The following SP9 variants were observed in gnomAD, a reference collection of about 807,000 sequenced individuals.
The protein encoded by SP9 is Sp9 transcription factor.
In SP9, 5 loss-of-function variants were observed where a neutral mutation model predicts 23.0. The observed-to-expected ratio is 0.22, with a 90% confidence interval of 0.11 to 0.46. The LOEUF is 0.46. SP9 is among the 20% of genes least tolerant of loss of function. The pLI is 0.99. For missense variants in SP9, 542 were observed against 724.0 expected (o/e 0.75, Z 2.88); for synonymous variants, 360 against 356.5 (o/e 1.01, Z -0.11).
chr2:174,336,359 G>C lies in SP9; in HGVS notation c.274G>C (p.Ala92Pro). 1 of 1,497,930 alleles carries C rather than the reference G, an allele frequency of 6.7e-7. No individual in the cohort carries two copies. The highest frequency in any genetic ancestry group is 8.8e-7 in the Non-Finnish European group (1 of 1,131,598). The allele number at this position is 1,497,930 out of a possible 1,614,324, so 92.8% of individuals were successfully genotyped here. ...CGCCGCCAACAGCGCCTTCTGCCTG[G>C]CCTCCACGTCGCCCACGTCGTCCGC... Reference protein sequence around the residue: ...SGAANSAFCLASTSPTSSAFS... With the variant: ...SGAANSAFCLPSTSPTSSAFS... Residue 92 changes from alanine (A) to proline (P), a missense_variant, in exon 2 of 2, where the codon GCC (alanine) becomes CCC (proline). Transcript: ENST00000394967.
At position 174,337,465 on chromosome 2, in the gene SP9, GGCGGCA is replaced by G. The variant is rs1222735319; in HGVS notation, c.1386_1391del (p.Ala469_Ala470del). On this transcript the variant is annotated inframe_deletion, in exon 2 of 2. Transcript: ENST00000394967. ...CCGCCCGGGCGGCGGCAGCGGCGGC[GGCGGCA>G]GCGGCGGCGGCGGCGGCGGCGGCCT... The G allele has an allele frequency of 2.1e-5, 25 of 1,214,326 alleles. No individual in the cohort carries two copies. The highest frequency in any genetic ancestry group is 2.4e-4 in the Middle Eastern group (1 of 4,240). The allele number at this position is 1,214,326 out of a possible 1,614,324, so 75.2% of individuals were successfully genotyped here.
chr2:174,337,577 A>C lies in SP9; in HGVS notation c.*37A>C. On this transcript the variant is annotated 3_prime_UTR_variant, in exon 2 of 2. Transcript: ENST00000394967. Reference sequence around the variant, plus strand: ...GAGGCGCGAGCACACAAGCGAGTAGAGACACCGAGAACGAACGAGAGGTTC... The same window carrying C: ...GAGGCGCGAGCACACAAGCGAGTAGCGACACCGAGAACGAACGAGAGGTTC... 4 of 1,139,000 alleles carry C rather than the reference A, an allele frequency of 3.5e-6. No individual in the cohort carries two copies. The highest frequency in any genetic ancestry group is 4.3e-6 in the Non-Finnish European group (4 of 928,910). The allele number at this position is 1,139,000 out of a possible 1,614,324, so 70.6% of individuals were successfully genotyped here. A position where few individuals can be genotyped will look rare whatever the true frequency, so the allele number is the denominator to read the frequency against.
At position 174,336,321 on chromosome 2, in the gene SP9, C is replaced by T. The variant is rs1226769252; in HGVS notation, c.236C>T (p.Ala79Val). Residue 79 changes from alanine to valine, a missense_variant, in exon 2 of 2, where the codon GCG becomes GTG. Physicochemically the swap from Ala to Val is moderately conservative, Grantham distance 64. Coordinates refer to ENST00000394967, the MANE Select transcript of SP9 (RefSeq NM_001145250.2). ...ATGGRGSGGL[A>V]GGSGAANSAF... ...GGGGGCCGTGGCTCGGGCGGCCTGGCGGGCGGCTCGGGCGCCGCCAACAGC... is the reference window on the plus strand; with the variant it reads ...GGGGGCCGTGGCTCGGGCGGCCTGGTGGGCGGCTCGGGCGCCGCCAACAGC... The T allele has an allele frequency of 1.1e-5, 17 of 1,495,386 alleles. No individual in the cohort carries two copies. The East Asian group carries it at 4.0e-4, about 35-fold the overall frequency. The allele number at this position is 1,495,386 out of a possible 1,614,324, so 92.6% of individuals were successfully genotyped here.
In SP9 at chr2:174,337,367, A is replaced by T; in HGVS notation, c.1282A>T (p.Thr428Ser). 1.3e-6 allele frequency: 2 copies of T among 1,549,928 alleles called. No individual in the cohort carries two copies. The highest frequency in any genetic ancestry group is 1.7e-4 in the Middle Eastern group (1 of 5,988). The change falls in exon 2 of 2, where the codon ACG becomes TCG. Residue 428 changes from threonine (T) to serine (S), a missense_variant. By Grantham distance (58) the Thr-to-Ser change is moderately conservative (BLOSUM62 1). Transcript: ENST00000394967. The stretch of plus-strand genomic sequence containing the variant: ...GGGCAAAAAGGGCAGCGACAGTGAC[A>T]CGGACGCCAGCAACCTGGAGACGCC... Reference protein sequence around the residue: ...GGGKKGSDSDTDASNLETPRS... With the variant: ...GGGKKGSDSDSDASNLETPRS...
At position 174,336,456 on chromosome 2, in the gene SP9, C is replaced by G. The variant is rs1684414643; in HGVS notation, c.371C>G (p.Pro124Arg). The G allele has an allele frequency of 2.0e-6, 3 of 1,479,172 alleles. No homozygotes were observed. Among genetic ancestry groups the G allele is most frequent in the Non-Finnish European group, 2.7e-6 (3 of 1,121,620 alleles). 91.6% of individuals were successfully genotyped at this position (1,479,172 alleles called of 1,614,324 possible). ...AAAAAAAGVS[P>R]QEAGGQSAFI... ...GCGGCGGCAGCGGCCGGGGTGTCCC[C>G]GCAGGAGGCGGGTGGCCAGTCGGCC... The change falls in exon 2 of 2, where the codon CCG becomes CGG. Residue 124 changes from proline (P) to arginine (R), a missense_variant. By Grantham distance (103) the Pro-to-Arg change is moderately radical. Transcript: ENST00000394967.
intron 1 of SP9, chr2:174,335,893 G>C (rs1245184405): frequency 1.9e-6 from 1 of 538,872 alleles, no homozygotes; most frequent in Non-Finnish European, 3.3e-6. Context: ...GCAACTTTCC[G>C]GCGCCTGGAC....
rs920195229 is a variant in SP9 at position 174,335,059 on chromosome 2, G to A, written c.-34G>A. On this transcript the variant is annotated 5_prime_UTR_variant, in exon 1 of 2. Transcript: ENST00000394967. ...CCGAGCAGCCGCCAGGCTCAGCCCC[G>A]CTCCCAGCCTCGCTGCGCAGCCAGA... 2 of 1,550,498 alleles carry A rather than the reference G, an allele frequency of 1.3e-6. No homozygotes were observed. The highest frequency in any genetic ancestry group is 3.4e-4 in the Middle Eastern group (2 of 5,906).
At position 174,336,310 on chromosome 2, in the gene SP9, G is replaced by A. The variant is rs993989241; in HGVS notation, c.225G>A (p.Ser75=). The change falls in exon 2 of 2, where the codon TCG becomes TCA. Residue 75 remains serine (S), a synonymous_variant. Transcript: ENST00000394967. ...CGGTGGCCACCGGGGGCCGTGGCTCGGGCGGCCTGGCGGGCGGCTCGGGCG... is the reference window on the plus strand; with the variant it reads ...CGGTGGCCACCGGGGGCCGTGGCTCAGGCGGCCTGGCGGGCGGCTCGGGCG... ...GFAVATGGRG[S]GGLAGGSGAA... The A allele has an allele frequency of 4.0e-6, 6 of 1,504,340 alleles. No homozygotes were observed. In the Admixed American group the frequency reaches 1.1e-4, roughly 28 times the overall value. The allele number at this position is 1,504,340 out of a possible 1,614,324, so 93.2% of individuals were successfully genotyped here.
At position 174,334,964 on chromosome 2, in the gene SP9, G is replaced by A; in HGVS notation, c.-129G>A. 2 of 1,094,526 alleles carry A rather than the reference G, an allele frequency of 1.8e-6. No individual in the cohort carries two copies. The highest frequency in any genetic ancestry group is 2.3e-5 in the Admixed American group (1 of 43,632). The allele number at this position is 1,094,526 out of a possible 1,614,324, so 67.8% of individuals were successfully genotyped here. A position where few individuals can be genotyped will look rare whatever the true frequency, so the allele number is the denominator to read the frequency against. On this transcript the variant is annotated 5_prime_UTR_variant, in exon 1 of 2. Transcript: ENST00000394967. ...CCTCGCACTTAGGCTGAGTTTAGCC[G>A]GCGGGAGCCTGGAGTCCGCTCGGCA...
chr2:174,337,730 C>T lies in SP9; in HGVS notation c.*190C>T. 1.6e-6 allele frequency: 1 copy of T among 642,750 alleles called. No homozygotes were observed. Among genetic ancestry groups the T allele is most frequent in the Non-Finnish European group, 2.0e-6 (1 of 503,522 alleles). 39.8% of individuals were successfully genotyped at this position (642,750 alleles called of 1,614,324 possible). A position where few individuals can be genotyped will look rare whatever the true frequency, so the allele number is the denominator to read the frequency against. On this transcript the variant is annotated 3_prime_UTR_variant, in exon 2 of 2. Transcript: ENST00000394967. ...TTCGCCCGCTGTGCGAGGAGCTCCC[C>T]TCTGCCTTCCGCGCCCGGATAAGAA... is the stretch of plus-strand genomic sequence containing the variant.
rs1268765843 is a variant in SP9 at position 174,336,608 on chromosome 2, G to A, written c.523G>A (p.Gly175Ser). Reference sequence around the variant, plus strand: ...GCTGGCGGCCGGCGAGGTGACCAACGGCGCGGCGTCGTCGTGGTGGGACGT... The same window carrying A: ...GCTGGCGGCCGGCGAGGTGACCAACAGCGCGGCGTCGTCGTGGTGGGACGT... ...STLAAGEVTN[G>S]AASSWWDVHS... The change falls in exon 2 of 2, where the codon GGC becomes AGC. Residue 175 changes from glycine to serine, a missense_variant. Coordinates refer to ENST00000394967, the MANE Select transcript of SP9 (RefSeq NM_001145250.2). 2.8e-6 allele frequency: 4 copies of A among 1,427,678 alleles called. No individual in the cohort carries two copies. In the East Asian group the frequency reaches 8.6e-5, roughly 31 times the overall value. The allele number at this position is 1,427,678 out of a possible 1,614,324, so 88.4% of individuals were successfully genotyped here.
chr2:174,335,762 G>T, intron 1 of SP9: 1 of 288,788 alleles, frequency 3.5e-6, no homozygotes, highest in Non-Finnish European at 6.5e-6. Context: ...GCTTCACCCC[G>T]AAGGGCGACT....
rs1684409469 is a variant in SP9 at position 174,336,252 on chromosome 2, G to C, written c.167G>C (p.Ser56Thr). ...GFHPWKRSSS[S>T]CNLGSSLSGF... ...CACCCCTGGAAGCGCTCCTCGTCCA[G>C]CTGCAACCTCGGCTCCAGCCTCTCG... Residue 56 changes from serine (S) to threonine (T), a missense_variant, in exon 2 of 2, where the codon AGC (serine) becomes ACC (threonine). Transcript: ENST00000394967. 2.6e-6 allele frequency: 4 copies of C among 1,545,852 alleles called. No homozygotes were observed. The highest frequency in any genetic ancestry group is 1.2e-5 in the South Asian group (1 of 83,928).
Position 174,336,229 on chromosome 2 carries a change from C to T in SP9, c.144C>T (p.His48=), listed in dbSNP as rs376876116. ...GCGCCTTCGCCAAAGGCGGCTTTCA[C>T]CCCTGGAAGCGCTCCTCGTCCAGCT... ...ESSAFAKGGF[H]PWKRSSSSCN... Residue 48 remains histidine, a synonymous_variant, in exon 2 of 2, where the codon CAC becomes CAT. Coordinates refer to ENST00000394967, the MANE Select transcript of SP9 (RefSeq NM_001145250.2). 4.7e-4 allele frequency: 721 copies of T among 1,549,006 alleles called. 2 individuals carry two copies. Among genetic ancestry groups the T allele is most frequent in the Non-Finnish European group, 5.7e-4 (649 of 1,146,044 alleles).
In SP9 at chr2:174,335,314, C is replaced by A. The variant is rs1221996252; in HGVS notation, c.21+201C>A. 1.8e-4 allele frequency: 98 copies of A among 552,088 alleles called. No homozygotes were observed. In the East Asian group the frequency reaches 2.8e-3, roughly 16 times the overall value. The allele number at this position is 552,088 out of a possible 1,614,324, so 34.2% of individuals were successfully genotyped here. On this transcript the variant is annotated intron_variant, in intron 1 of 1. Transcript: ENST00000394967. ...AGATGCCTTTGCAAGAAAAGGCCTTCTTAATCAAGTCCTTTTTCATTTGGT... is the reference window on the plus strand; with the variant it reads ...AGATGCCTTTGCAAGAAAAGGCCTTATTAATCAAGTCCTTTTTCATTTGGT...
chr2:174,336,419 T>G lies in SP9; in HGVS notation c.334T>G (p.Ser112Ala), dbSNP rs1684413626. The G allele has an allele frequency of 2.0e-6, 3 of 1,470,784 alleles. No homozygotes were observed. Among genetic ancestry groups the G allele is most frequent in the Non-Finnish European group, 8.9e-7 (1 of 1,120,282 alleles). 91.1% of individuals were successfully genotyped at this position (1,470,784 alleles called of 1,614,324 possible). The change falls in exon 2 of 2, where the codon TCG (serine) becomes GCG (alanine). Residue 112 changes from serine (S) to alanine (A), a missense_variant. By Grantham distance (99) the Ser-to-Ala change is moderately conservative (BLOSUM62 1). Around this residue, in one of 8 missense-constraint regions of SP9, gnomAD observed 201 missense variants for 226.3 expected, o/e 0.89. Coordinates refer to ENST00000394967, the MANE Select transcript of SP9 (RefSeq NM_001145250.2). The stretch of plus-strand genomic sequence containing the variant: ...CGACTACGGCGGCCTCTTCTCCAAC[T>G]CGGCGGCTGCCGCGGCGGCAGCGGC... ...SSDYGGLFSN[S>A]AAAAAAAAGV...
In SP9 at chr2:174,336,910, A is replaced by AGCC. The variant is rs760808548; in HGVS notation, c.835_837dup (p.Ala279dup). 9.6e-6 allele frequency: 14 copies of AGCC among 1,463,266 alleles called. No individual in the cohort carries two copies. Among genetic ancestry groups the AGCC allele is most frequent in the Middle Eastern group, 1.8e-4 (1 of 5,558 alleles). The allele number at this position is 1,463,266 out of a possible 1,614,324, so 90.6% of individuals were successfully genotyped here. A position where few individuals can be genotyped will look rare whatever the true frequency, so the allele number is the denominator to read the frequency against. On this transcript the variant is annotated inframe_insertion, in exon 2 of 2. Transcript: ENST00000394967. The stretch of plus-strand genomic sequence containing the variant: ...ATTCGGACTCCAGCGCCGCCGTGGC[A>AGCC]GCCGCCGCCGCCAGCGCCATGATAT...
intron 1 of SP9, chr2:174,335,836 G>A: frequency 2.1e-6 from 1 of 472,226 alleles, no homozygotes; most frequent in East Asian, 4.0e-5. Context: ...AGGCAGGGTT[G>A]CAGCGGGGAA....
intron 1 of SP9, 117 bp from the exon 2 acceptor site, chr2:174,335,990 A>G: frequency 3.2e-6 from 3 of 952,154 alleles, no homozygotes; most frequent in African/African-American, 3.5e-5. Flanking sequence ...GCGGGGAGCC[A>G]GGACCCCCCG....
Sources: allele counts gnomAD v4.1 joint callset, GRCh38; gene constraint gnomAD v4.1.1; regional missense constraint gnomAD v4.1.1; transcripts MANE v1.5; gene names NCBI Gene and HGNC (gene_info 2026-07-23, HGNC 2026-07-21).